Variants in SEC14L5 observed in about 807,000 individuals in gnomAD.
The protein encoded by SEC14L5 is SEC14 like lipid binding 5, also known as SEC14-like protein 5.
Under a neutral mutation model 84.6 loss-of-function variants are expected in SEC14L5, and 96 were observed. The observed-to-expected ratio is 1.13, with a 90% confidence interval of 0.96 to 1.34. SEC14L5 has a LOEUF of 1.34. Among genes scored for constraint, SEC14L5 ranks in the 40% most tolerant of loss-of-function variants. The pLI is 0.00. For missense variants in SEC14L5, 1,224 were observed against 942.5 expected, an observed-to-expected ratio of 1.30 and a Z score of -3.91; for synonymous variants, 546 against 383.4, an observed-to-expected ratio of 1.42 and a Z score of -4.95.
chr16:5,013,210 C>T lies in SEC14L5; in HGVS notation c.1980-1649C>T, dbSNP rs114538586. 9.4e-3 allele frequency among the ~76,000 whole-genome samples: 1,430 copies of T among 152,198 alleles called. 22 individuals carry two copies. The highest frequency in any genetic ancestry group is 0.032 in the African/African-American group (1,348 of 41,514). ...GATGAGATTTACTTGGGCCATAGAG[C>T]CAAACCGTATCAGCCACCCAGCCAG... is the stretch of plus-strand genomic sequence containing the variant. On this transcript the variant is annotated intron_variant, in intron 15 of 15. Coordinates refer to ENST00000251170, the MANE Select transcript of SEC14L5 (RefSeq NM_014692.2).
At position 5,014,934 on chromosome 16, in the gene SEC14L5, C is replaced by T. The variant is rs200458626; in HGVS notation, c.2055C>T (p.Ser685=). The change falls in exon 16 of 16, where the codon TCC becomes TCT. Residue 685 remains serine, a synonymous_variant. Transcript: ENST00000251170. The stretch of plus-strand genomic sequence containing the variant: ...GCGCCGCCACCTCGTCCTCCTCCTC[C>T]GGCCAGTCTCATAGCAGCTCCCTGG... ...QLSAATSSSS[S]GQSHSSSLVS... 1.5e-4 allele frequency: 241 copies of T among 1,612,618 alleles called. No homozygotes were observed. The highest frequency in any genetic ancestry group is 2.7e-4 in the East Asian group (12 of 44,874).
chr16:4,981,264 T>G (rs1406848131), intron 2 of SEC14L5, among the ~76,000 whole-genome samples: 2 of 111,084 alleles, frequency 1.8e-5, no homozygotes, highest in African/African-American at 3.8e-5. Flanking sequence ...GGTTTTTTTT[T>G]TTTTTTTTTT....
chr16:4,974,504 G>C (rs2142486523), intron 2 of SEC14L5, among the ~76,000 whole-genome samples: 1 of 151,812 alleles, frequency 6.6e-6, no homozygotes, highest in South Asian at 2.1e-4. Flanking sequence ...TGCCTGGCCT[G>C]ACCTGCATAC....
chr16:4,976,330 A>T (rs981740779), intron 2 of SEC14L5, among the ~76,000 whole-genome samples: 5 of 152,164 alleles, frequency 3.3e-5, no homozygotes, highest in African/African-American at 1.2e-4. Flanking sequence ...CCACTCTCTT[A>T]AGGGCGGTGC....
At chr16:4,975,636 T>C (rs1316568524) in intron 2 of SEC14L5, among the ~76,000 whole-genome samples, 1 of 152,164 alleles carries the variant, frequency 6.6e-6, no homozygotes, top group Non-Finnish European at 1.5e-5. Context: ...TAAACATACA[T>C]GTGTATGTGT....
At chr16:4,995,008 G>T (rs1353137649) in intron 6 of SEC14L5, among the ~76,000 whole-genome samples, 1 of 152,052 alleles carries the variant, frequency 6.6e-6, no homozygotes, top group Non-Finnish European at 1.5e-5. Flanking sequence ...CAGCATCTCT[G>T]CCTCTGACCA....
intron 13 of SEC14L5, among the ~76,000 whole-genome samples, chr16:5,007,908 T>C (rs1263776926): frequency 1.4e-5 from 1 of 70,740 alleles, no homozygotes; most frequent in African/African-American, 3.9e-5. Context: ...GCCTGGCCTC[T>C]TTTTTTTTTT....
At chr16:4,998,737 CAAAAAAAAAAAAAAA>C (rs60494025) in intron 8 of SEC14L5, among the ~76,000 whole-genome samples, 3 of 94,036 alleles carry the variant, frequency 3.2e-5, no homozygotes, top group African/African-American at 4.8e-5. Context: ...GACTCCGTCT[CAAAAAAAAAAAAAAA>C]AAAAAAAAAA....
Position 5,014,944 on chromosome 16 carries a change from C to A in SEC14L5, c.2065C>A (p.His689Asn), listed in dbSNP as rs1375716859. The A allele has an allele frequency of 1.9e-5, 30 of 1,612,034 alleles. No homozygotes were observed. The highest frequency in any genetic ancestry group is 2.3e-5 in the Non-Finnish European group (27 of 1,179,824). ...ATSSSSSGQS[H>N]SSSLVSR is the part of the protein sequence containing the mutation. ...CTCGTCCTCCTCCTCCGGCCAGTCT[C>A]ATAGCAGCTCCCTGGTCTCCAGATA... Residue 689 changes from histidine to asparagine, a missense_variant, in exon 16 of 16, where the codon CAT becomes AAT. By Grantham distance (68) the His-to-Asn change is moderately conservative. Transcript: ENST00000251170.
At chr16:5,010,259 G>A (rs1955784098) in intron 14 of SEC14L5, among the ~76,000 whole-genome samples, 1 of 150,410 alleles carries the variant, frequency 6.6e-6, no homozygotes, top group Non-Finnish European at 1.5e-5. Flanking sequence ...AGCTACTCGG[G>A]AGGCTAAGGC....
intron 2 of SEC14L5, among the ~76,000 whole-genome samples, chr16:4,968,577 G>T (rs1247576266): frequency 6.6e-6 from 1 of 152,200 alleles, no homozygotes; most frequent in East Asian, 1.9e-4. Context: ...TCCTCCTGTG[G>T]TCTCCCAAAG....
Position 5,018,616 on chromosome 16 carries a change from C to G in SEC14L5, c.*3646C>G, listed in dbSNP as rs1261181525. 6.6e-6 allele frequency: 1 copy of G among 152,136 alleles called. No homozygotes were observed. The highest frequency in any genetic ancestry group is 1.5e-5 in the Non-Finnish European group (1 of 68,042). The allele number at this position is 152,136 out of a possible 1,614,324, so 9.4% of individuals were successfully genotyped here. A position where few individuals can be genotyped will look rare whatever the true frequency, so the allele number is the denominator to read the frequency against. On this transcript the variant is annotated 3_prime_UTR_variant, in exon 16 of 16. Coordinates refer to ENST00000251170, the MANE Select transcript of SEC14L5 (RefSeq NM_014692.2). ...TCAAGGCTGGAGTGAGCCATGATCT[C>G]ACCCCTGTACTTCATCCTGGGTGAC... is the stretch of plus-strand genomic sequence containing the variant.
intron 2 of SEC14L5, 52 bp from the exon 3 acceptor site, chr16:4,987,505 G>T (rs1424737687): frequency 6.9e-7 from 1 of 1,449,880 alleles, no homozygotes; most frequent in South Asian, 1.3e-5. Flanking sequence ...GCTGGGGGGG[G>T]GGGTCCCTCT....
chr16:4,991,038 C>A, intron 5 of SEC14L5, 143 bp downstream of exon 5: 1 of 553,604 alleles, frequency 1.8e-6, no homozygotes. Context: ...ATGACCAAAT[C>A]ACCACGAGAT....
chr16:5,013,039 A>T (rs892594016), intron 15 of SEC14L5, among the ~76,000 whole-genome samples: 1 of 152,142 alleles, frequency 6.6e-6, no homozygotes, highest in African/African-American at 2.4e-5. Context: ...GGAGAGAGAG[A>T]GAGCAGAGGA....
At chr16:4,988,848 A>C (rs1292649904) in intron 4 of SEC14L5, among the ~76,000 whole-genome samples, 1 of 152,280 alleles carries the variant, frequency 6.6e-6, no homozygotes, top group African/African-American at 2.4e-5. Flanking sequence ...AGCACCCAGC[A>C]GTGGACCAGG....
intron 6 of SEC14L5, among the ~76,000 whole-genome samples, chr16:4,995,906 G>A (rs1331145315): frequency 3.9e-5 from 6 of 152,220 alleles, no homozygotes; most frequent in African/African-American, 1.2e-4. Flanking sequence ...GATTACAGTC[G>A]TGAGCCACCA....
chr16:5,013,441 C>T (rs905319950), intron 15 of SEC14L5, among the ~76,000 whole-genome samples: 18 of 151,770 alleles, frequency 1.2e-4, no homozygotes, highest in African/African-American at 4.1e-4. Context: ...GGCTGGAGTG[C>T]AGTGGTGCAA....
intron 2 of SEC14L5, among the ~76,000 whole-genome samples, chr16:4,983,172 T>TTTG (rs959994125): frequency 6.6e-6 from 1 of 151,756 alleles, no homozygotes; most frequent in Non-Finnish European, 1.5e-5. Context: ...CCAGCTAATT[T>TTTG]TTGTTGTTGT....
Sources: allele counts gnomAD v4.1 joint callset (sites outside exome capture counted in the v4.1 genomes callset), GRCh38; gene constraint gnomAD v4.1.1; transcripts MANE v1.5; gene names NCBI Gene and HGNC (gene_info 2026-07-23, HGNC 2026-07-21).